The following SLC39A12 variants were observed in gnomAD, a reference collection of about 807,000 sequenced individuals.
SLC39A12 encodes zinc transporter ZIP12.
In SLC39A12, 63 loss-of-function variants were observed where a neutral mutation model predicts 71.1. The ratio of observed to expected loss-of-function variants is 0.89; its 90% CI spans 0.72 to 1.09. The LOEUF is 1.09. Ranked by LOEUF, SLC39A12 falls within the 50% of genes least tolerant of loss-of-function variation. The pLI is 0.00. For synonymous variants in SLC39A12, 351 were observed against 301.3 expected (o/e 1.16, Z -1.71); for missense variants, 892 against 812.6 (o/e 1.10, Z -1.19).
chr10:18,008,256 AG>A (rs929026789), intron 12 of SLC39A12, among the ~76,000 whole-genome samples: 3 of 152,152 alleles, frequency 2.0e-5, no homozygotes, highest in Admixed American at 2.0e-4. Context: ...CTGTCAGATC[AG>A]CGGGGGCATT....
intron 6 of SLC39A12, among the ~76,000 whole-genome samples, chr10:17,983,220 G>T (rs576358769): frequency 6.8e-6 from 1 of 147,084 alleles, no homozygotes. Context: ...GCCAGGTGCA[G>T]TGTCTCACAC....
chr10:18,039,452 G>A (rs1455684662), intron 12 of SLC39A12, among the ~76,000 whole-genome samples: 1 of 152,210 alleles, frequency 6.6e-6, no homozygotes, highest in Non-Finnish European at 1.5e-5. Context: ...TTGGGGCTGA[G>A]TATGGTGGCT....
intron 6 of SLC39A12, among the ~76,000 whole-genome samples, chr10:17,983,723 A>C (rs940471905): frequency 1.3e-5 from 2 of 152,034 alleles, no homozygotes; most frequent in Non-Finnish European, 1.5e-5. Context: ...TGGAGGTTGC[A>C]GTGAGCCAAG....
chr10:17,952,813 T>C (rs782292996), intron 1 of SLC39A12, among the ~76,000 whole-genome samples: 5 of 152,200 alleles, frequency 3.3e-5, no homozygotes, highest in Non-Finnish European at 2.9e-5. Flanking sequence ...AACATGATGT[T>C]GGTCATTTAG....
chr10:18,003,277 C>T lies in SLC39A12; in HGVS notation c.1866C>T (p.Ser622=), dbSNP rs779517585. The T allele has an allele frequency of 3.5e-5, 57 of 1,613,900 alleles. No homozygotes were observed. Among genetic ancestry groups the T allele is most frequent in the South Asian group, 7.7e-5 (7 of 91,086 alleles). The change falls in exon 12 of 13, where the codon TCC becomes TCT. Residue 622 remains serine (S), a synonymous_variant. Transcript: ENST00000377369. ...TAFMGLYIGL[S]VSADPCVQDW... is the part of the protein sequence containing the mutation. ...TCATGGGATTATACATTGGCCTTTC[C>T]GTGTCAGCTGATCCATGTGTTCAAG...
chr10:17,998,497 A>C (rs963483319), intron 10 of SLC39A12, among the ~76,000 whole-genome samples: 5 of 152,170 alleles, frequency 3.3e-5, no homozygotes, highest in African/African-American at 1.2e-4. Flanking sequence ...ATCTAGTAGC[A>C]TTATTGGTTT....
chr10:18,040,394 C>G (rs1373822828), intron 12 of SLC39A12, among the ~76,000 whole-genome samples: 1 of 152,140 alleles, frequency 6.6e-6, no homozygotes, highest in Non-Finnish European at 1.5e-5. Flanking sequence ...GTAAACCACC[C>G]TCATGCCATT....
chr10:17,998,863 C>T (rs2497761), intron 10 of SLC39A12, among the ~76,000 whole-genome samples: 139,663 of 152,290 alleles, frequency 0.92, 64,201 homozygotes, highest in African/African-American at 0.98. Flanking sequence ...TAATGCAATC[C>T]CCCTTGTAGT....
intron 7 of SLC39A12, among the ~76,000 whole-genome samples, chr10:17,988,220 A>G (rs948413976): frequency 6.6e-6 from 1 of 152,180 alleles, no homozygotes; most frequent in African/African-American, 2.4e-5. Flanking sequence ...AGACAGGAGA[A>G]TCGCTTGAAC....
intron 5 of SLC39A12, among the ~76,000 whole-genome samples, chr10:17,980,500 C>T (rs917980111): frequency 3.3e-5 from 5 of 152,196 alleles, no homozygotes; most frequent in African/African-American, 1.2e-4. Context: ...ACCCGTCATT[C>T]TCACTCACCT....
rs149819075 is a variant in SLC39A12, at chr10:17,964,700, C to T, written c.544-783C>T. Among the ~76,000 whole-genome samples the T allele has an allele frequency of 4.6e-5, 7 of 152,300 alleles. No homozygotes were observed. In the East Asian group the frequency reaches 1.2e-3, roughly 25 times the overall value. ...TACCAGATTTGACATGCAATGAGTA[C>T]ACACTGAGCTTGGGACCAGAGGCAG... On this transcript the variant is annotated intron_variant, in intron 3 of 12. Transcript: ENST00000377369.
At position 18,005,061 on chromosome 10, in the gene SLC39A12, CTG is replaced by C. The variant is rs1029455215; in HGVS notation, c.1947+1704_1947+1705del. ...GACATAGGGACGGGAACAACACACA[CTG>C]GGGCCTGTCGGGGGAGGGTGGGGGT... On this transcript the variant is annotated intron_variant, in intron 12 of 12. Transcript: ENST00000377369. Among the ~76,000 whole-genome samples, 37 of 109,554 alleles carry C rather than the reference CTG, an allele frequency of 3.4e-4. 1 individual carries two copies. Among genetic ancestry groups the C allele is most frequent in the Admixed American group, 2.1e-3 (18 of 8,562 alleles). 71.9% of individuals were successfully genotyped at this position (109,554 alleles called of 152,430 possible).
At position 17,995,660 on chromosome 10, in the gene SLC39A12, G is replaced by C. The variant is rs755319284; in HGVS notation, c.1538G>C (p.Ser513Thr). 1.2e-6 allele frequency: 2 copies of C among 1,612,296 alleles called. No individual in the cohort carries two copies. Among genetic ancestry groups the C allele is most frequent in the Non-Finnish European group, 1.7e-6 (2 of 1,179,374 alleles). ...TTATTTTTTAATTTAAAATAGAAAA[G>C]CCCAGAAGATTCACAGGCAGCTGAA... The part of the protein sequence containing the change: ...GKSASTIQLK[S>T]PEDSQAAEMP... Residue 513 changes from serine to threonine, a missense_variant, in exon 10 of 13, where the codon AGC (serine) becomes ACC (threonine). Ser to Thr is a moderately conservative substitution (Grantham distance 58). Transcript: ENST00000377369.
At chr10:17,986,847 A>C (rs976409196) in intron 6 of SLC39A12, among the ~76,000 whole-genome samples, 4 of 152,050 alleles carry the variant, frequency 2.6e-5, no homozygotes, top group African/African-American at 4.8e-5. Flanking sequence ...CTCTACTAAA[A>C]ATAAAAGCTT....
At chr10:17,957,136 A>T (rs2130771820) in intron 2 of SLC39A12, among the ~76,000 whole-genome samples, 1 of 152,328 alleles carries the variant, frequency 6.6e-6, no homozygotes, top group East Asian at 1.9e-4. Flanking sequence ...AACATCTTTC[A>T]GTCTAAAACC....
At chr10:18,028,522 A>C (rs1328929714) in intron 12 of SLC39A12, among the ~76,000 whole-genome samples, 1 of 151,880 alleles carries the variant, frequency 6.6e-6, no homozygotes, top group Non-Finnish European at 1.5e-5. Flanking sequence ...TACGAGTTCC[A>C]GAGGATGTTT....
intron 12 of SLC39A12, among the ~76,000 whole-genome samples, chr10:18,041,183 G>T (rs1169015546): frequency 6.6e-6 from 1 of 152,040 alleles, no homozygotes; most frequent in Non-Finnish European, 1.5e-5. Flanking sequence ...AATACACCTT[G>T]GGGCACTTCA....
In SLC39A12 at chr10:17,981,168, T is replaced by G. The variant is rs11011848; in HGVS notation, c.925-144T>G. The G allele has an allele frequency of 8.8e-3, 5,342 of 605,308 alleles. 66 individuals are homozygous for G. Among genetic ancestry groups the G allele is most frequent in the South Asian group, 0.034 (868 of 25,556 alleles). 37.5% of individuals were successfully genotyped at this position (605,308 alleles called of 1,614,324 possible). Reference sequence around the variant, plus strand: ...TTAGGAATTACGTACAGCTGAAAGTTTGCAGGGAAACACGTGTCGTACCGG... The same window carrying G: ...TTAGGAATTACGTACAGCTGAAAGTGTGCAGGGAAACACGTGTCGTACCGG... On this transcript the variant is annotated intron_variant, in intron 5 of 12. Coordinates refer to ENST00000377369, the MANE Select transcript of SLC39A12 (RefSeq NM_001145195.2).
chr10:17,987,415 G>A (rs78826034), intron 6 of SLC39A12, 64 bp from the exon 7 acceptor site: 55 of 1,515,864 alleles, frequency 3.6e-5, no homozygotes, highest in South Asian at 1.8e-4. Flanking sequence ...TGGCATTTTC[G>A]CCAGCTGAGG....
Sources: gnomAD v4.1 joint callset for allele counts (sites outside exome capture counted in the v4.1 genomes callset) on GRCh38, gnomAD v4.1.1 for gene constraint, MANE v1.5 for transcripts, NCBI Gene and HGNC (gene_info 2026-07-23, HGNC 2026-07-21) for gene names.